The following MCC variants were observed in gnomAD, a reference collection of about 807,000 sequenced individuals.
The protein encoded by MCC is MCC regulator of Wnt signaling pathway, also known as colorectal mutant cancer protein.
A neutral mutation model predicts 116.2 loss-of-function variants in MCC; 90 were observed. The observed-to-expected ratio is 0.77, with a 90% CI of 0.65 to 0.92. MCC has a LOEUF of 0.92. Ranked by LOEUF, MCC falls within the 40% of genes least tolerant of loss-of-function variation. The probability of loss-of-function intolerance (pLI) is 0.00; values close to 1 mark genes in which losing one functional copy is unlikely to be tolerated. For missense variants in MCC, 1,516 were observed against 1,312.2 expected, an observed-to-expected ratio of 1.16 and a Z score of -2.40; for synonymous variants, 578 against 510.5, an observed-to-expected ratio of 1.13 and a Z score of -1.78.
intron 3 of MCC, among the ~76,000 whole-genome samples, chr5:113,196,801 A>G (rs1218426886): frequency 6.6e-6 from 1 of 152,204 alleles, no homozygotes; most frequent in African/African-American, 2.4e-5. Context: ...GTGAGCCAAG[A>G]TCACTCCAGC....
chr5:113,101,137 G>T (rs1756380999), intron 8 of MCC, among the ~76,000 whole-genome samples: 2 of 152,258 alleles, frequency 1.3e-5, no homozygotes, highest in South Asian at 4.1e-4. Flanking sequence ...AGGCCCTAGG[G>T]TGAATAGCAG....
chr5:113,295,655 G>A (rs1394494167), intron 3 of MCC, among the ~76,000 whole-genome samples: 1 of 152,170 alleles, frequency 6.6e-6, no homozygotes, highest in Non-Finnish European at 1.5e-5. Context: ...TACACCCCTG[G>A]GATCTGAGCT....
intron 3 of MCC, among the ~76,000 whole-genome samples, chr5:113,273,441 G>A (rs1765687939): frequency 6.6e-6 from 1 of 152,172 alleles, no homozygotes; most frequent in African/African-American, 2.4e-5. Flanking sequence ...CTACAACATT[G>A]CAGGGTCTTT....
chr5:113,402,690 A>G (rs1769726265), intron 1 of MCC, among the ~76,000 whole-genome samples: 1 of 152,204 alleles, frequency 6.6e-6, no homozygotes, highest in African/African-American at 2.4e-5. Flanking sequence ...TATAATCAAA[A>G]TATTATAGCA....
chr5:113,334,134 T>C (rs1324392686), intron 3 of MCC, among the ~76,000 whole-genome samples: 1 of 148,180 alleles, frequency 6.7e-6, no homozygotes, highest in Admixed American at 6.7e-5. Flanking sequence ...CAGAAATTTA[T>C]CTCTGCTGTA....
intron 1 of MCC, among the ~76,000 whole-genome samples, chr5:113,413,525 T>C (rs1019694062): frequency 2.6e-5 from 4 of 152,256 alleles, no homozygotes; most frequent in African/African-American, 9.6e-5. Context: ...CAGGAATTTA[T>C]CTATTTGTTC....
chr5:113,156,555 G>A lies in MCC; in HGVS notation c.628-5133C>T, dbSNP rs567340590. Among the ~76,000 whole-genome samples the A allele has an allele frequency of 4.6e-5, 7 of 152,320 alleles. No homozygotes were observed. The East Asian group carries it at 9.6e-4, about 21-fold the overall frequency. ...ACAGGACTAAGAAGCCAATAGCTGCGTTGCCAGATTCTGCTGAAATCCTAA... is the reference window on the plus strand; with the variant it reads ...ACAGGACTAAGAAGCCAATAGCTGCATTGCCAGATTCTGCTGAAATCCTAA... On this transcript the variant is annotated intron_variant, in intron 3 of 18. Coordinates refer to ENST00000408903, the MANE Select transcript of MCC (RefSeq NM_001085377.2).
intron 1 of MCC, among the ~76,000 whole-genome samples, chr5:113,410,319 A>C (rs1192788505): frequency 6.6e-6 from 1 of 152,252 alleles, no homozygotes; most frequent in Non-Finnish European, 1.5e-5. Flanking sequence ...ATGGATATCC[A>C]CAAGGTATCC....
At position 113,126,377 on chromosome 5, in the gene MCC, T is replaced by C. The variant is rs73239122; in HGVS notation, c.885-3551A>G. Among the ~76,000 whole-genome samples, 1,349 of 152,296 alleles carry C rather than the reference T, an allele frequency of 8.9e-3. 14 individuals are homozygous for C. The highest frequency in any genetic ancestry group is 0.03 in the African/African-American group (1,267 of 41,550). On this transcript the variant is annotated intron_variant, in intron 5 of 18. Transcript: ENST00000408903. Reference sequence around the variant, plus strand: ...ATAAATGGGGCTTCGAGAGGCAACTTACCTAAGATTATGCAACCACTAGCA... The same window carrying C: ...ATAAATGGGGCTTCGAGAGGCAACTCACCTAAGATTATGCAACCACTAGCA...
At chr5:113,469,156 G>A (rs1772005193) in intron 1 of MCC, among the ~76,000 whole-genome samples, 1 of 152,036 alleles carries the variant, frequency 6.6e-6, no homozygotes, top group African/African-American at 2.4e-5. Flanking sequence ...TTAATTTTTT[G>A]AAGGGTTTTT....
At chr5:113,271,417 G>A (rs1765614498) in intron 3 of MCC, among the ~76,000 whole-genome samples, 1 of 152,136 alleles carries the variant, frequency 6.6e-6, no homozygotes, top group Non-Finnish European at 1.5e-5. Context: ...TACTTATAAT[G>A]AAGAAAAAGA....
chr5:113,386,946 C>G (rs1002730311), intron 1 of MCC, among the ~76,000 whole-genome samples: 4 of 152,060 alleles, frequency 2.6e-5, no homozygotes, highest in African/African-American at 7.2e-5. Context: ...AAAGTATACC[C>G]TTGCCTTGGT....
chr5:113,263,528 C>T (rs1765291433), intron 3 of MCC, among the ~76,000 whole-genome samples: 1 of 152,130 alleles, frequency 6.6e-6, no homozygotes, highest in Non-Finnish European at 1.5e-5. Flanking sequence ...TTTCAAATTG[C>T]TTAAAACTCT....
intron 1 of MCC, among the ~76,000 whole-genome samples, chr5:113,453,158 T>C (rs1029840678): frequency 6.6e-6 from 1 of 152,162 alleles, no homozygotes; most frequent in Non-Finnish European, 1.5e-5. Context: ...GCATGTTCGG[T>C]GGTCACCCAA....
At chr5:113,292,787 C>T (rs527602272) in intron 3 of MCC, among the ~76,000 whole-genome samples, 2 of 152,148 alleles carry the variant, frequency 1.3e-5, no homozygotes, top group Admixed American at 1.3e-4. Context: ...AAGGGCCTGG[C>T]AAAGAGTCTC....
intron 3 of MCC, among the ~76,000 whole-genome samples, chr5:113,255,138 C>A (rs975359470): frequency 2.0e-5 from 3 of 152,146 alleles, no homozygotes; most frequent in African/African-American, 7.2e-5. Context: ...GCACTCCACC[C>A]TAGGTGACAA....
At chr5:113,143,082 AAAC>A (rs1759275340) in intron 5 of MCC, 133 bp downstream of exon 5, 3 of 952,696 alleles carry the variant, frequency 3.1e-6, no homozygotes, top group Non-Finnish European at 4.5e-6. Flanking sequence ...GATACAAAGA[AAAC>A]ATCATTATAA....
At chr5:113,283,499 T>C (rs1766131314) in intron 3 of MCC, among the ~76,000 whole-genome samples, 1 of 152,084 alleles carries the variant, frequency 6.6e-6, no homozygotes, top group African/African-American at 2.4e-5. Flanking sequence ...TTAGGATAGC[T>C]ACAATCAAAA....
At position 113,385,108 on chromosome 5, in the gene MCC, T is replaced by C; in HGVS notation, c.275A>G (p.Asp92Gly). 6.2e-7 allele frequency: 1 copy of C among 1,614,212 alleles called. No homozygotes were observed. The highest frequency in any genetic ancestry group is 8.5e-7 in the Non-Finnish European group (1 of 1,180,046). ...ADENGKISFQ[D>G]FTRCRMQLVR... Reference sequence around the variant, plus strand: ...AAGCTGCATGCGGCATCTTGTGAAATCCTGAAAGGAAATCTTCCCATTTTC... The same window carrying C: ...AAGCTGCATGCGGCATCTTGTGAAACCCTGAAAGGAAATCTTCCCATTTTC... The change falls in exon 2 of 19, where the codon GAT (aspartate) becomes GGT (glycine). Residue 92 changes from aspartate (D) to glycine (G), a missense_variant. Transcript: ENST00000408903.
Sources: allele counts gnomAD v4.1 joint callset (sites outside exome capture counted in the v4.1 genomes callset), GRCh38; gene constraint gnomAD v4.1.1; transcripts MANE v1.5; gene names NCBI Gene and HGNC (gene_info 2026-07-23, HGNC 2026-07-21).